Variants in TCF12 observed in about 807,000 individuals in gnomAD.
The protein encoded by TCF12 is DNA-binding protein HTF4.
In TCF12, 45 loss-of-function variants were observed where a neutral mutation model predicts 86.0. That is an observed-to-expected ratio of 0.52 (90% CI 0.41 to 0.67). TCF12 has a LOEUF of 0.67. Ranked by LOEUF, TCF12 falls within the 30% of genes least tolerant of loss-of-function variation. The pLI is 0.00. For missense variants in TCF12, 881 were observed against 859.9 expected (o/e 1.02, Z -0.31); for synonymous variants, 330 against 299.6 (o/e 1.10, Z -1.05).
intron 3 of TCF12, among the ~76,000 whole-genome samples, chr15:56,943,166 A>G (rs1235474737): frequency 1.3e-5 from 2 of 152,166 alleles, no homozygotes; most frequent in African/African-American, 4.8e-5. Context: ...ACAATAGGGA[A>G]CAAATAGTTC....
In TCF12 at chr15:57,068,515, A is replaced by C. The variant is rs188838303; in HGVS notation, c.222+4692A>C. 3.6e-3 allele frequency among the ~76,000 whole-genome samples: 549 copies of C among 152,264 alleles called. 5 individuals are homozygous for C. Among genetic ancestry groups the C allele is most frequent in the African/African-American group, 0.013 (521 of 41,560 alleles). ...ATCAATTTCCCCTCTTCAACTGTTT[A>C]TTTCTTTCTTGGGAAAGCAACAGTC... On this transcript the variant is annotated intron_variant, in intron 4 of 20. Transcript: ENST00000333725.
chr15:56,962,132 C>CAAA (rs397853683), intron 3 of TCF12, among the ~76,000 whole-genome samples: 24 of 62,944 alleles, frequency 3.8e-4, no homozygotes, highest in African/African-American at 7.7e-4. Flanking sequence ...GACTCCGTCT[C>CAAA]AAAAAAAAAA....
intron 3 of TCF12, among the ~76,000 whole-genome samples, chr15:57,058,077 G>A (rs2068168804): frequency 6.6e-6 from 1 of 152,174 alleles, no homozygotes; most frequent in Non-Finnish European, 1.5e-5. Context: ...GTCTTGGAAT[G>A]TCTGTTCAGA....
intron 5 of TCF12, among the ~76,000 whole-genome samples, chr15:57,139,005 A>G (rs1226873386): frequency 6.6e-6 from 1 of 152,212 alleles, no homozygotes; most frequent in Non-Finnish European, 1.5e-5. Context: ...AGCTAAAATT[A>G]AGCTTTATAC....
intron 4 of TCF12, chr15:57,072,796 T>C: frequency 4.1e-6 from 4 of 967,646 alleles, no homozygotes; most frequent in Non-Finnish European, 5.4e-6. Flanking sequence ...ATGTTCTGAA[T>C]GTGAAGAAAA....
At chr15:57,265,953 T>C (rs1468689678) in intron 18 of TCF12, among the ~76,000 whole-genome samples, 1 of 152,160 alleles carries the variant, frequency 6.6e-6, no homozygotes, top group Non-Finnish European at 1.5e-5. Flanking sequence ...TAGTCCCTCA[T>C]TGACTGAAAT....
intron 8 of TCF12, among the ~76,000 whole-genome samples, chr15:57,225,466 C>T (rs556349058): frequency 6.6e-6 from 1 of 151,776 alleles, no homozygotes; most frequent in East Asian, 1.9e-4. Context: ...AGGATGGTCT[C>T]GACCTCCTGA....
chr15:57,097,465 T>C (rs1347882856), intron 5 of TCF12, among the ~76,000 whole-genome samples: 2 of 151,940 alleles, frequency 1.3e-5, no homozygotes, highest in Non-Finnish European at 2.9e-5. Flanking sequence ...GAGGTGGAGA[T>C]TGCAGTGAGC....
chr15:57,178,363 C>T (rs1264859348), intron 6 of TCF12, among the ~76,000 whole-genome samples: 2 of 152,128 alleles, frequency 1.3e-5, no homozygotes, highest in African/African-American at 4.8e-5. Context: ...TAAAGTATGG[C>T]ATGCCTAACT....
chr15:57,142,837 A>C (rs1180370587), intron 5 of TCF12, among the ~76,000 whole-genome samples: 1 of 152,118 alleles, frequency 6.6e-6, no homozygotes, highest in Non-Finnish European at 1.5e-5. Flanking sequence ...ACTCTTTCCA[A>C]TCTAATCTTA....
intron 3 of TCF12, among the ~76,000 whole-genome samples, chr15:57,061,996 A>G (rs1438103157): frequency 6.6e-6 from 1 of 151,722 alleles, no homozygotes; most frequent in East Asian, 2.0e-4. Flanking sequence ...TTGCTCTGTC[A>G]CCCAGGCTGG....
chr15:57,105,285 C>T (rs1235376521), intron 5 of TCF12, among the ~76,000 whole-genome samples: 1 of 152,154 alleles, frequency 6.6e-6, no homozygotes, highest in South Asian at 2.1e-4. Context: ...CTTGTATCGC[C>T]ATCTCTTAAT....
At chr15:56,969,873 A>G (rs1567182325) in intron 3 of TCF12, among the ~76,000 whole-genome samples, 1 of 152,198 alleles carries the variant, frequency 6.6e-6, no homozygotes. Context: ...CTGTGTATGC[A>G]GTTCAGCATT....
At position 57,039,566 on chromosome 15, in the gene TCF12, C is replaced by CA. The variant is rs200977505; in HGVS notation, c.149-24176dup. 2.0e-5 allele frequency among the ~76,000 whole-genome samples: 3 copies of CA among 151,634 alleles called. No homozygotes were observed. In the East Asian group the frequency reaches 5.8e-4, roughly 29 times the overall value. ...TGTCAGACCCTTCCTTACCCATGAC[C>CA]AAAAAAAATCCTTAATTTTATCATA... On this transcript the variant is annotated intron_variant, in intron 3 of 20. Coordinates refer to ENST00000333725, the MANE Select transcript of TCF12 (RefSeq NM_207037.2).
intron 3 of TCF12, among the ~76,000 whole-genome samples, chr15:56,934,517 C>T (rs1159834866): frequency 3.3e-5 from 5 of 152,254 alleles, no homozygotes; most frequent in East Asian, 3.9e-4. Context: ...CTGCTGATGA[C>T]GCTGCTGTTT....
chr15:57,177,710 CTTATTTAT>C (rs375477447), intron 6 of TCF12, among the ~76,000 whole-genome samples: 4 of 142,922 alleles, frequency 2.8e-5, no homozygotes, highest in Non-Finnish European at 4.5e-5. Flanking sequence ...ATTTTATTTA[CTTATTTAT>C]TTATTTATTT....
intron 3 of TCF12, among the ~76,000 whole-genome samples, chr15:57,061,543 C>T (rs989369594): frequency 2.0e-5 from 3 of 152,160 alleles, no homozygotes; most frequent in African/African-American, 4.8e-5. Context: ...TTTGTGGTTG[C>T]AGTGAGCTAT....
intron 19 of TCF12, chr15:57,281,916 G>A (rs930302944): frequency 3.4e-4 from 53 of 155,118 alleles, no homozygotes; most frequent in South Asian, 6.9e-4. Flanking sequence ...CCAGCCCCCC[G>A]CACCCAGTTC....
At chr15:57,202,273 A>G (rs566639144) in intron 8 of TCF12, among the ~76,000 whole-genome samples, 12 of 152,310 alleles carry the variant, frequency 7.9e-5, no homozygotes, top group African/African-American at 2.4e-4. Flanking sequence ...TTCAGAAAAT[A>G]TCTTGCTTAG....
Sources: allele counts gnomAD v4.1 joint callset (sites outside exome capture counted in the v4.1 genomes callset), GRCh38; gene constraint gnomAD v4.1.1; transcripts MANE v1.5; gene names NCBI Gene and HGNC (gene_info 2026-07-23, HGNC 2026-07-21).